Variants in NXN observed in about 807,000 individuals in gnomAD.
The protein encoded by NXN is nucleoredoxin 1.
Under a neutral mutation model 48.6 loss-of-function variants are expected in NXN, and 16 were observed. That is an observed-to-expected ratio of 0.33 (90% CI 0.22 to 0.50). The LOEUF (loss-of-function observed/expected upper bound fraction) is 0.50. Ranked by LOEUF, NXN falls within the 20% of genes least tolerant of loss-of-function variation. The pLI is 0.98. For missense variants in NXN, 492 were observed against 605.5 expected, an observed-to-expected ratio of 0.81 and a Z score of 1.97; for synonymous variants, 281 against 269.6, an observed-to-expected ratio of 1.04 and a Z score of -0.41.
At chr17:962,406 G>A (rs918720638) in intron 1 of NXN, among the ~76,000 whole-genome samples, 1 of 151,988 alleles carries the variant, frequency 6.6e-6, no homozygotes, top group Non-Finnish European at 1.5e-5. Context: ...GGTGACTCAC[G>A]CCTGTAATCC....
In NXN at chr17:873,493, C is replaced by CAAAAAAA. The variant is rs71145783; in HGVS notation, c.361-47422_361-47416dup. Among the ~76,000 whole-genome samples, 193 of 74,912 alleles carry CAAAAAAA rather than the reference C, an allele frequency of 2.6e-3. 7 individuals are homozygous for CAAAAAAA. Among genetic ancestry groups the CAAAAAAA allele is most frequent in the African/African-American group, 5.3e-3 (107 of 20,278 alleles). 49.1% of individuals were successfully genotyped at this position (74,912 alleles called of 152,430 possible). A position where few individuals can be genotyped will look rare whatever the true frequency, so the allele number is the denominator to read the frequency against. ...ACCTGGGAGACAGAGACACTGTCTCCAAAAAAAAAAAAAAAAAGGAGTCTC... is the reference window on the plus strand; with the variant it reads ...ACCTGGGAGACAGAGACACTGTCTCCAAAAAAAAAAAAAAAAAAAAAAAAGGAGTCTC... On this transcript the variant is annotated intron_variant, in intron 1 of 7. Transcript: ENST00000336868.
chr17:955,062 G>C (rs1302946869), intron 1 of NXN, among the ~76,000 whole-genome samples: 2 of 152,066 alleles, frequency 1.3e-5, no homozygotes, highest in African/African-American at 4.8e-5. Context: ...GAGCCCCCGC[G>C]ACGGGGAGAG....
chr17:801,476 C>T (rs533818541), intron 7 of NXN, among the ~76,000 whole-genome samples: 274 of 111,170 alleles, frequency 2.5e-3, no homozygotes, highest in Middle Eastern at 8.6e-3. Context: ...GATGGAGTCT[C>T]GCTCTGTCAC....
At chr17:939,343 G>GCT (rs1194246737) in intron 1 of NXN, among the ~76,000 whole-genome samples, 3 of 135,354 alleles carry the variant, frequency 2.2e-5, no homozygotes, top group African/African-American at 5.5e-5. Flanking sequence ...TTAGAAATCA[G>GCT]CTTTTTTTTT....
chr17:847,461 C>G (rs1230446949), intron 1 of NXN, among the ~76,000 whole-genome samples: 1 of 152,108 alleles, frequency 6.6e-6, no homozygotes. Flanking sequence ...GAGCCTGGCA[C>G]GTGAAGGCTT....
intron 1 of NXN, among the ~76,000 whole-genome samples, chr17:843,000 G>A (rs1193024489): frequency 5.0e-5 from 5 of 100,070 alleles, no homozygotes; most frequent in African/African-American, 2.1e-4. Flanking sequence ...GAGAAAGAGA[G>A]AAAGAGAGAA....
At chr17:848,520 C>A (rs1364427849) in intron 1 of NXN, among the ~76,000 whole-genome samples, 1 of 152,206 alleles carries the variant, frequency 6.6e-6, no homozygotes, top group African/African-American at 2.4e-5. Flanking sequence ...CAGGTTCGTG[C>A]CTGGTCATTA....
chr17:847,502 G>A (rs557327115), intron 1 of NXN, among the ~76,000 whole-genome samples: 4 of 152,258 alleles, frequency 2.6e-5, no homozygotes, highest in South Asian at 4.1e-4. Flanking sequence ...GGTCCACAGC[G>A]GTAATGTCAC....
intron 1 of NXN, among the ~76,000 whole-genome samples, chr17:926,747 G>A (rs2068804349): frequency 1.7e-3 from 1 of 592 alleles, no homozygotes; most frequent in African/African-American, 2.4e-3. Context: ...GTTTCGTCAT[G>A]TTCCCAAGCT....
At chr17:848,093 C>T (rs562482001) in intron 1 of NXN, among the ~76,000 whole-genome samples, 4 of 152,006 alleles carry the variant, frequency 2.6e-5, no homozygotes, top group African/African-American at 4.8e-5. Flanking sequence ...CTCAGGAGGA[C>T]GTCAACCCCT....
chr17:963,131 C>CCTGTCA (rs533691841), intron 1 of NXN, among the ~76,000 whole-genome samples: 46 of 150,974 alleles, frequency 3.0e-4, no homozygotes, highest in Non-Finnish European at 6.6e-4. Context: ...AAAAGCAGCA[C>CCTGTCA]CTGTCAGGTT....
At chr17:836,751 C>T (rs545655248) in intron 1 of NXN, among the ~76,000 whole-genome samples, 138 of 152,286 alleles carry the variant, frequency 9.1e-4, no homozygotes, top group African/African-American at 3.0e-3. Flanking sequence ...TTACATAGAG[C>T]GCTTAGCATA....
At chr17:901,309 G>A (rs1293054932) in intron 1 of NXN, among the ~76,000 whole-genome samples, 1 of 152,166 alleles carries the variant, frequency 6.6e-6, no homozygotes, top group Non-Finnish European at 1.5e-5. Flanking sequence ...GGGGGGAGAT[G>A]ATCTCTACAT....
Position 958,688 on chromosome 17 carries a change from C to T in NXN, c.360+20631G>A, listed in dbSNP as rs564146848. Among the ~76,000 whole-genome samples, 7 of 152,106 alleles carry T rather than the reference C, an allele frequency of 4.6e-5. No homozygotes were observed. The highest frequency in any genetic ancestry group is 2.1e-4 in the South Asian group (1 of 4,814). ...CAGGAGGCTGAGGCAGGAGAATCAC[C>T]GAGGCGGAGGTAGAAGTGAGCCCAG... is the stretch of plus-strand genomic sequence containing the variant. On this transcript the variant is annotated intron_variant, in intron 1 of 7. Transcript: ENST00000336868. This position sits in a 1 kb window ranked among gnomAD's most constrained non-coding sequence, Gnocchi z 6.9.
At chr17:942,545 C>T (rs1265845300) in intron 1 of NXN, among the ~76,000 whole-genome samples, 12 of 37,254 alleles carry the variant, frequency 3.2e-4, no homozygotes, top group African/African-American at 1.3e-3. Flanking sequence ...ATCACACCTT[C>T]CTGGATTTAC....
chr17:974,653 C>A, intron 1 of NXN, among the ~76,000 whole-genome samples: 1 of 151,324 alleles, frequency 6.6e-6, no homozygotes, highest in East Asian at 1.9e-4. Context: ...AACGGCAGAG[C>A]GGGGGCGTGA....
chr17:853,745 C>T (rs1453109333), intron 1 of NXN, among the ~76,000 whole-genome samples: 5 of 118,872 alleles, frequency 4.2e-5, no homozygotes, highest in Admixed American at 1.7e-4. Flanking sequence ...TTTTCCAAGA[C>T]GGAGTCTCAC....
intron 2 of NXN, among the ~76,000 whole-genome samples, chr17:824,242 T>C (rs1250655372): frequency 2.4e-5 from 3 of 124,212 alleles, no homozygotes; most frequent in African/African-American, 3.5e-5. Context: ...AGAGATGGGG[T>C]TTCACCGTGT....
At chr17:833,632 C>T (rs924624013) in intron 1 of NXN, among the ~76,000 whole-genome samples, 13 of 152,198 alleles carry the variant, frequency 8.5e-5, no homozygotes, top group Non-Finnish European at 7.4e-5. Context: ...GCACATACAG[C>T]AAAAAGTCAG....
Sources: gnomAD v4.1 joint callset for allele counts (sites outside exome capture counted in the v4.1 genomes callset) on GRCh38, gnomAD v4.1.1 for gene constraint, Gnocchi (gnomAD v3.1) non-coding constraint, MANE v1.5 for transcripts, NCBI Gene and HGNC (gene_info 2026-07-23, HGNC 2026-07-21) for gene names.